Variants in SLU7 observed in about 807,000 individuals in gnomAD.
SLU7 encodes the protein spliceosome associated SLU7.
Under a neutral mutation model 87.0 loss-of-function variants are expected in SLU7, and 60 were observed. The ratio of observed to expected loss-of-function variants is 0.69; its 90% CI spans 0.56 to 0.86. The LOEUF is 0.86. Among genes scored for constraint, SLU7 ranks in the 40% least tolerant of loss-of-function variants. The pLI is 0.00. For synonymous variants in SLU7, 197 were observed against 222.0 expected (o/e 0.89, Z 1.00); for missense variants, 507 against 686.6 (o/e 0.74, Z 2.92).
intron 3 of SLU7, 131 bp downstream of exon 3, chr5:160,414,188 C>T (rs1412000145): frequency 1.3e-5 from 10 of 783,060 alleles, no homozygotes; most frequent in Non-Finnish European, 2.0e-5. Context: ...TAGTAATGCA[C>T]TGTGAATTTC....
rs756722942 is a variant in SLU7, at chr5:160,414,343, T to A, written c.300A>T (p.Glu100Asp). The change falls in exon 3 of 16, where the codon GAA becomes GAT. Residue 100 changes from glutamate to aspartate, a missense_variant. Physicochemically the swap from Glu to Asp is conservative, Grantham distance 45 (BLOSUM62 2). Transcript: ENST00000297151. ...CCTCTTTTACACCCCTCTTGTACCATTCTCCAGATGAGCTGAACTGCTTTT... is the reference window on the plus strand; with the variant it reads ...CCTCTTTTACACCCCTCTTGTACCAATCTCCAGATGAGCTGAACTGCTTTT... ...EKQKQFSSSG[E>D]WYKRGVKENS... The A allele has an allele frequency of 3.1e-6, 5 of 1,611,014 alleles. No individual in the cohort carries two copies. The highest frequency in any genetic ancestry group is 4.2e-6 in the Non-Finnish European group (5 of 1,178,588).
Position 160,407,337 on chromosome 5 carries a change from A to G in SLU7, c.1125+139T>C, listed in dbSNP as rs1765053937. ...CTCATACAAAATTACCATCTGACTA[A>G]GAGAAAGGAAGAAAAGGACTATTCT... On this transcript the variant is annotated intron_variant, in intron 11 of 15. Transcript: ENST00000297151. The surrounding 1 kb of genome is among the most constrained non-coding windows in gnomAD (Gnocchi z 4.2). 1.4e-6 allele frequency: 1 copy of G among 710,848 alleles called. No individual in the cohort carries two copies. Among genetic ancestry groups the G allele is most frequent in the South Asian group, 2.1e-5 (1 of 48,766 alleles). The allele number at this position is 710,848 out of a possible 1,614,324, so 44.0% of individuals were successfully genotyped here.
chr5:160,405,210 T>A lies in SLU7; in HGVS notation c.1288-75A>T, dbSNP rs181166891. The A allele has an allele frequency of 3.0e-4, 307 of 1,030,506 alleles. No homozygotes were observed. In the African/African-American group the frequency reaches 3.5e-3, roughly 12 times the overall value. 63.8% of individuals were successfully genotyped at this position (1,030,506 alleles called of 1,614,324 possible). A position where few individuals can be genotyped will look rare whatever the true frequency, so the allele number is the denominator to read the frequency against. Reference sequence around the variant, plus strand: ...CTTCTGTATACTGTTGATAAGAGTATAAAATAATACAGCCCATTAAAGGTA... The same window carrying A: ...CTTCTGTATACTGTTGATAAGAGTAAAAAATAATACAGCCCATTAAAGGTA... On this transcript the variant is annotated intron_variant, in intron 12 of 15. Transcript: ENST00000297151.
intron 6 of SLU7, among the ~76,000 whole-genome samples, chr5:160,410,024 T>C (rs140408285): frequency 6.6e-6 from 1 of 152,312 alleles, no homozygotes; most frequent in East Asian, 1.9e-4. Flanking sequence ...AATGATGCTA[T>C]AGGTCTATAA....
At chr5:160,403,844 C>A (rs1764888431) in intron 15 of SLU7, among the ~76,000 whole-genome samples, 2 of 152,184 alleles carry the variant, frequency 1.3e-5, no homozygotes, top group Non-Finnish European at 2.9e-5. Flanking sequence ...GAAGGCAATT[C>A]TTTCCGGTCA....
intron 1 of SLU7, among the ~76,000 whole-genome samples, chr5:160,418,386 T>C (rs1031283379): frequency 6.6e-5 from 10 of 152,162 alleles, no homozygotes; most frequent in African/African-American, 2.2e-4. Flanking sequence ...CCAAAGTCAG[T>C]TCTCTAAACC....
chr5:160,404,904 A>G lies in SLU7; in HGVS notation c.1393-24T>C, dbSNP rs754730447. On this transcript the variant is annotated intron_variant, in intron 13 of 15. Transcript: ENST00000297151. ...TTCTGTGGGAAATACATGTAATTTG[A>G]GTTGAGTGTCATAGTTACTAATCAT... 2.0e-5 allele frequency: 31 copies of G among 1,553,156 alleles called. No homozygotes were observed. In the South Asian group the frequency reaches 3.5e-4, roughly 17 times the overall value.
In SLU7 at chr5:160,413,895, T is replaced by G; in HGVS notation, c.405+4A>C. ...GTTTTCAAAATTTTCAAAGGTGAAC[T>G]TACCTCAAAGCAGTCTTTCTTTTTG... On this transcript the variant is annotated splice_donor_region_variant and intron_variant, in intron 4 of 15. Coordinates refer to ENST00000297151, the MANE Select transcript of SLU7 (RefSeq NM_006425.5). The G allele has an allele frequency of 6.3e-7, 1 of 1,581,494 alleles. No individual in the cohort carries two copies.
In SLU7 at chr5:160,403,014, C is replaced by CAA. The variant is rs1185239199; in HGVS notation, c.*269_*270dup. On this transcript the variant is annotated 3_prime_UTR_variant, in exon 16 of 16. Coordinates refer to ENST00000297151, the MANE Select transcript of SLU7 (RefSeq NM_006425.5). ...TGGGCGACAGAGCAAGACTCCGTCT[C>CAA]AAAAAAAAAAATAAATAAATAAAAA... 18 of 180,758 alleles carry CAA rather than the reference C, an allele frequency of 1.0e-4. No individual in the cohort carries two copies. Among genetic ancestry groups the CAA allele is most frequent in the Middle Eastern group, 1.9e-3 (1 of 520 alleles). The allele number at this position is 180,758 out of a possible 1,614,324, so 11.2% of individuals were successfully genotyped here.
chr5:160,414,400 A>G lies in SLU7; in HGVS notation c.243T>C (p.Thr81=), dbSNP rs943571882. 1.2e-6 allele frequency: 2 copies of G among 1,612,082 alleles called. No homozygotes were observed. The highest frequency in any genetic ancestry group is 2.7e-5 in the African/African-American group (2 of 74,824). The change falls in exon 3 of 16, where the codon ACT becomes ACC. Residue 81 remains threonine, a synonymous_variant. Coordinates refer to ENST00000297151, the MANE Select transcript of SLU7 (RefSeq NM_006425.5). ...PWYIDPSKRP[T]LKHQRPQPEK... is the part of the protein sequence containing the mutation. The stretch of plus-strand genomic sequence containing the variant: ...CTGGTTGTGGTCTCTGGTGTTTTAA[A>G]GTAGGTCTTTTTGAAGGATCAATAT...
intron 12 of SLU7, among the ~76,000 whole-genome samples, chr5:160,405,439 A>G (rs186424407): frequency 6.6e-6 from 1 of 152,222 alleles, no homozygotes; most frequent in Non-Finnish European, 1.5e-5. Flanking sequence ...GGCAATAATC[A>G]GCTGTTGCTG....
chr5:160,414,157 A>T lies in SLU7; in HGVS notation c.324+162T>A, dbSNP rs950708697. 1.4e-5 allele frequency: 10 copies of T among 714,726 alleles called. No homozygotes were observed. The African/African-American group carries it at 1.9e-4, about 13-fold the overall frequency. 44.3% of individuals were successfully genotyped at this position (714,726 alleles called of 1,614,324 possible). A position where few individuals can be genotyped will look rare whatever the true frequency, so the allele number is the denominator to read the frequency against. On this transcript the variant is annotated intron_variant, in intron 3 of 15. Transcript: ENST00000297151. ...AAGAGTTCAGGAGTGTAAAATTTAT[A>T]TAAGAAACACAAAGATAAAATAGTA...
chr5:160,406,169 G>A (rs2113107957), intron 12 of SLU7, among the ~76,000 whole-genome samples: 1 of 152,186 alleles, frequency 6.6e-6, no homozygotes, highest in East Asian at 1.9e-4. Context: ...AACTATATGT[G>A]TGTATATATG....
chr5:160,414,915 G>C (rs1366050995), intron 2 of SLU7, among the ~76,000 whole-genome samples: 1 of 152,044 alleles, frequency 6.6e-6, no homozygotes, highest in Non-Finnish European at 1.5e-5. Flanking sequence ...GGCCAGGGGT[G>C]GGAACGGTAA....
intron 5 of SLU7, 102 bp from the exon 6 acceptor site, chr5:160,412,621 A>T: frequency 2.9e-6 from 2 of 685,648 alleles, no homozygotes; most frequent in Non-Finnish European, 4.8e-6. Context: ...TTTAAAATGA[A>T]TAACTTTAAA....
chr5:160,415,332 AC>A, intron 1 of SLU7, 22 bp from the exon 2 acceptor site: 1 of 1,527,106 alleles, frequency 6.5e-7, no homozygotes, highest in South Asian at 1.3e-5. Context: ...AGTGAAACTT[AC>A]AGTAAAAAGT....
At chr5:160,412,592 C>T in intron 5 of SLU7, 73 bp from the exon 6 acceptor site, 1 of 893,894 alleles carries the variant, frequency 1.1e-6, no homozygotes, top group Non-Finnish European at 1.7e-6. Context: ...ATTCAAGTCA[C>T]CACCTAAATT....
chr5:160,408,937 T>C (rs1765124751), intron 6 of SLU7, among the ~76,000 whole-genome samples: 1 of 149,810 alleles, frequency 6.7e-6, no homozygotes, highest in South Asian at 2.1e-4. Context: ...GAACAAACTC[T>C]CACACTTCTC....
rs1001389279 is a variant in SLU7, at chr5:160,408,373, G to A, written c.775C>T (p.Arg259Ter). 6.8e-6 allele frequency: 11 copies of A among 1,611,300 alleles called. No homozygotes were observed. Among genetic ancestry groups the A allele is most frequent in the Admixed American group, 1.7e-5 (1 of 59,782 alleles). Residue 259 changes from arginine (R) to a stop codon, truncating the protein, a stop_gained, in exon 8 of 16, where the codon CGA (arginine) becomes TGA (stop). Coordinates refer to ENST00000297151, the MANE Select transcript of SLU7 (RefSeq NM_006425.5). LOFTEE classifies it high-confidence loss of function. ...ATCCTGAGATTCCGGACAGTAATTC[G>A]TCTCTTGGAGTCAAAATTCTGTCCA... is the stretch of plus-strand genomic sequence containing the variant. ...MPGQNFDSKRRITVRNLRIRE... is the reference protein window; with the variant it reads ...MPGQNFDSKR
Sources: gnomAD v4.1 joint callset for allele counts (sites outside exome capture counted in the v4.1 genomes callset) on GRCh38, gnomAD v4.1.1 for gene constraint, Gnocchi (gnomAD v3.1) non-coding constraint, MANE v1.5 for transcripts, NCBI Gene and HGNC (gene_info 2026-07-23, HGNC 2026-07-21) for gene names.